Variants in NCOA3 observed in about 807,000 individuals in gnomAD.
NCOA3 encodes the protein CBP-interacting protein.
NCOA3 carries 51 observed loss-of-function variants against 158.8 expected under a neutral mutation model. That is an observed-to-expected ratio of 0.32 (90% CI 0.26 to 0.41). NCOA3 has a LOEUF of 0.41. Among genes scored for constraint, NCOA3 ranks in the 10% least tolerant of loss-of-function variants. NCOA3 has a pLI of 1.00. For missense variants in NCOA3, 1,510 were observed against 1,746.6 expected (o/e 0.86, Z 2.41); for synonymous variants, 537 against 592.4 (o/e 0.91, Z 1.36).
intron 2 of NCOA3, among the ~76,000 whole-genome samples, chr20:47,611,916 C>A (rs1384793376): frequency 6.6e-6 from 1 of 152,198 alleles, no homozygotes; most frequent in Non-Finnish European, 1.5e-5. Context: ...CCTCTGCCTC[C>A]TGGGCTCAGG....
At chr20:47,510,645 G>A (rs2084105604) in intron 1 of NCOA3, among the ~76,000 whole-genome samples, 1 of 151,938 alleles carries the variant, frequency 6.6e-6, no homozygotes, top group African/African-American at 2.4e-5. Context: ...CTAGGATGGA[G>A]TGTAGTGTCA....
intron 1 of NCOA3, among the ~76,000 whole-genome samples, chr20:47,570,951 C>T (rs796979418): frequency 0.032 from 4,430 of 138,864 alleles, 148 homozygotes; most frequent in Middle Eastern, 0.091. Context: ...CACACACACA[C>T]ACACACACAC....
rs375528680 is a variant in NCOA3 at position 47,557,455 on chromosome 20, C to G, written c.-98-25728C>G. Among the ~76,000 whole-genome samples, 138 of 152,214 alleles carry G rather than the reference C, an allele frequency of 9.1e-4. 4 individuals carry two copies. The South Asian group carries it at 0.029, about 32-fold the overall frequency. ...AGAGGTGAAATAACTTGCTTAAGGC[C>G]GCATAACTAGTAAATGGTAACACAC... On this transcript the variant is annotated intron_variant, in intron 1 of 22. Coordinates refer to ENST00000371998, the MANE Select transcript of NCOA3 (RefSeq NM_181659.3).
At chr20:47,593,946 G>C (rs1296730249) in intron 2 of NCOA3, among the ~76,000 whole-genome samples, 1 of 151,960 alleles carries the variant, frequency 6.6e-6, no homozygotes, top group Non-Finnish European at 1.5e-5. Context: ...AAAGTTTAAA[G>C]GTAAACATTT....
chr20:47,552,212 G>C lies in NCOA3; in HGVS notation c.-98-30971G>C, dbSNP rs2146158219. ...AAGTTATACTTATAAACAGCATTTT[G>C]TGTTAGTATTGATGAACTGTATGTT... On this transcript the variant is annotated intron_variant, in intron 1 of 22. Coordinates refer to ENST00000371998, the MANE Select transcript of NCOA3 (RefSeq NM_181659.3). Among the ~76,000 whole-genome samples the C allele has an allele frequency of 2.0e-5, 3 of 152,284 alleles. 1 individual carries two copies. In the South Asian group the frequency reaches 6.2e-4, roughly 32 times the overall value.
intron 1 of NCOA3, among the ~76,000 whole-genome samples, chr20:47,543,980 C>A (rs2084786065): frequency 6.6e-6 from 1 of 151,962 alleles, no homozygotes; most frequent in Non-Finnish European, 1.5e-5. Flanking sequence ...TAAAAAAAAA[C>A]TATTTTGAAA....
chr20:47,594,664 CAAAAAAAAAAAAA>C (rs377014290), intron 2 of NCOA3, among the ~76,000 whole-genome samples: 16 of 72,952 alleles, frequency 2.2e-4, no homozygotes, highest in South Asian at 1.0e-3. Context: ...GACTCTGTCT[CAAAAAAAAAAAAA>C]AAAAAAAAAA....
rs896373780 is a variant in NCOA3 at position 47,534,783 on chromosome 20, G to A, written c.-99+32764G>A. On this transcript the variant is annotated intron_variant, in intron 1 of 22. Coordinates refer to ENST00000371998, the MANE Select transcript of NCOA3 (RefSeq NM_181659.3). ...TCCAAAAAATTGTCTGGGTGTGGTGGCGTGCACCTGTAGTCCCAGCTGTTG... is the reference window on the plus strand; with the variant it reads ...TCCAAAAAATTGTCTGGGTGTGGTGACGTGCACCTGTAGTCCCAGCTGTTG... Among the ~76,000 whole-genome samples, 12 of 152,186 alleles carry A rather than the reference G, an allele frequency of 7.9e-5. 1 individual carries two copies. Among genetic ancestry groups the A allele is most frequent in the Non-Finnish European group, 7.4e-5 (5 of 68,020 alleles).
chr20:47,526,392 T>TGG (rs1268177383), intron 1 of NCOA3, among the ~76,000 whole-genome samples: 6 of 152,142 alleles, frequency 3.9e-5, no homozygotes, highest in Admixed American at 1.3e-4. Context: ...CTCGGCACTT[T>TGG]GGGAGGCCAA....
chr20:47,535,568 C>T (rs947889491), intron 1 of NCOA3, among the ~76,000 whole-genome samples: 4 of 151,210 alleles, frequency 2.6e-5, no homozygotes, highest in Admixed American at 6.6e-5. Flanking sequence ...GGTGCAGTGG[C>T]GCAATCTCGG....
intron 17 of NCOA3, among the ~76,000 whole-genome samples, chr20:47,644,589 T>C (rs994339314): frequency 1.3e-5 from 2 of 152,246 alleles, no homozygotes; most frequent in Non-Finnish European, 2.9e-5. Flanking sequence ...AGTGAGACAT[T>C]AAGAAGCTGA....
At position 47,589,437 on chromosome 20, in the gene NCOA3, G is replaced by A. The variant is rs1033817912; in HGVS notation, c.-20+6176G>A. The stretch of plus-strand genomic sequence containing the variant: ...GTCACTCAGGCTGACGTGCAGTGGC[G>A]CACCCTCAGCTCACTGCAACCTCTG... On this transcript the variant is annotated intron_variant, in intron 2 of 22. Transcript: ENST00000371998. Among the ~76,000 whole-genome samples, 6 of 152,034 alleles carry A rather than the reference G, an allele frequency of 3.9e-5. No individual in the cohort carries two copies. The East Asian group carries it at 9.7e-4, about 25-fold the overall frequency.
Position 47,636,462 on chromosome 20 carries a change from G to A in NCOA3, c.2076G>A (p.Gly692=), listed in dbSNP as rs1191726760. 2 of 1,614,112 alleles carry A rather than the reference G, an allele frequency of 1.2e-6. No homozygotes were observed. The highest frequency in any genetic ancestry group is 2.2e-5 in the East Asian group (1 of 44,878). ...HRILHKLLQN[G]NSPAEVAKIT... is the part of the protein sequence containing the mutation. ...TTTTGCACAAGTTGCTGCAGAATGG[G>A]AATTCACCAGCTGAGGTAGCCAAGA... is the stretch of plus-strand genomic sequence containing the variant. Residue 692 remains glycine, a synonymous_variant, in exon 12 of 23, where the codon GGG becomes GGA. Coordinates refer to ENST00000371998, the MANE Select transcript of NCOA3 (RefSeq NM_181659.3).
At chr20:47,568,094 T>C (rs367956974) in intron 1 of NCOA3, among the ~76,000 whole-genome samples, 17 of 152,338 alleles carry the variant, frequency 1.1e-4, no homozygotes, top group African/African-American at 4.1e-4. Context: ...AGTCAGTATT[T>C]CCTTTCAAGT....
chr20:47,631,437 A>G (rs561577322), intron 8 of NCOA3: 1 of 152,336 alleles, frequency 6.6e-6, no homozygotes, highest in South Asian at 2.1e-4. Flanking sequence ...GCTTTTGCCA[A>G]CCACCCTAGT....
At chr20:47,552,580 A>G (rs2084941124) in intron 1 of NCOA3, among the ~76,000 whole-genome samples, 1 of 152,164 alleles carries the variant, frequency 6.6e-6, no homozygotes, top group Non-Finnish European at 1.5e-5. Flanking sequence ...CTATCTACCT[A>G]GGTTCTATTT....
intron 1 of NCOA3, among the ~76,000 whole-genome samples, chr20:47,571,010 A>AT (rs796576962): frequency 0.037 from 3,124 of 84,660 alleles, 172 homozygotes; most frequent in African/African-American, 0.13. Flanking sequence ...GTGTATATAC[A>AT]TTTTTTTTTT....
intron 17 of NCOA3, among the ~76,000 whole-genome samples, chr20:47,645,868 T>C (rs986783763): frequency 2.0e-5 from 3 of 151,998 alleles, no homozygotes; most frequent in African/African-American, 7.3e-5. Flanking sequence ...CTGGGAAGGG[T>C]CATAAGGGTG....
At chr20:47,516,687 G>A (rs1409954733) in intron 1 of NCOA3, among the ~76,000 whole-genome samples, 4 of 151,086 alleles carry the variant, frequency 2.6e-5, no homozygotes, top group African/African-American at 7.3e-5. Context: ...TTGGGAGGCC[G>A]AGGCAGGCAT....
Sources: gnomAD v4.1 joint callset for allele counts (sites outside exome capture counted in the v4.1 genomes callset) on GRCh38, gnomAD v4.1.1 for gene constraint, MANE v1.5 for transcripts, NCBI Gene and HGNC (gene_info 2026-07-23, HGNC 2026-07-21) for gene names.